The following DOCK9 variants were observed in gnomAD, a reference collection of about 807,000 sequenced individuals.
DOCK9 encodes dedicator of cytokinesis 9.
Under a neutral mutation model 263.3 loss-of-function variants are expected in DOCK9, and 89 were observed. That is an observed-to-expected ratio of 0.34 (90% CI 0.28 to 0.40). The LOEUF (loss-of-function observed/expected upper bound fraction) is 0.40. Among genes scored for constraint, DOCK9 ranks in the 10% least tolerant of loss-of-function variants. The pLI is 1.00. For synonymous variants in DOCK9, 976 were observed against 973.1 expected, an observed-to-expected ratio of 1.00 and a Z score of -0.06; for missense variants, 2,140 against 2,603.4, an observed-to-expected ratio of 0.82 and a Z score of 3.87.
At chr13:98,935,453 A>T (rs1381194521) in intron 2 of DOCK9, among the ~76,000 whole-genome samples, 2 of 152,182 alleles carry the variant, frequency 1.3e-5, no homozygotes, top group Admixed American at 6.5e-5. Flanking sequence ...GAATTCTGTC[A>T]GTGTCTCTAT....
At chr13:98,837,143 A>G (rs535375402) in intron 39 of DOCK9, among the ~76,000 whole-genome samples, 3 of 152,348 alleles carry the variant, frequency 2.0e-5, no homozygotes, top group African/African-American at 4.8e-5. Flanking sequence ...ATTAAACGCT[A>G]TAACATTTGG....
At chr13:98,844,221 G>A (rs1566686651) in intron 38 of DOCK9, among the ~76,000 whole-genome samples, 1 of 152,158 alleles carries the variant, frequency 6.6e-6, no homozygotes, top group African/African-American at 2.4e-5. Context: ...AGCCTTAAAG[G>A]TGTCACTCAA....
intron 2 of DOCK9, among the ~76,000 whole-genome samples, chr13:98,954,863 T>TAC (rs71719426): frequency 0.15 from 22,560 of 146,472 alleles, 1,961 homozygotes; most frequent in African/African-American, 0.25. Flanking sequence ...TTATTCAAGA[T>TAC]ACACACACAC....
At chr13:98,992,363 G>A (rs1880012700) in intron 1 of DOCK9, among the ~76,000 whole-genome samples, 1 of 152,098 alleles carries the variant, frequency 6.6e-6, no homozygotes, top group Admixed American at 6.5e-5. Context: ...AGGGCACTCC[G>A]ATCTCCCCCA....
At position 98,897,493 on chromosome 13, in the gene DOCK9, A is replaced by C. The variant is rs977729967; in HGVS notation, c.1704T>G (p.Phe568Leu). The stretch of plus-strand genomic sequence containing the variant: ...AATAAGACCTTGAAACTCACTTCCG[A>C]AAGTCTGCAAGTAACTTGAGCATGT... The part of the protein sequence containing the change: ...NDDMLKLLAD[F>L]RKPEKMAKLP... The change falls in exon 15 of 53, where the codon TTT becomes TTG. Residue 568 changes from phenylalanine to leucine, a missense_variant. Coordinates refer to ENST00000682017, the MANE Select transcript of DOCK9 (RefSeq NM_001366683.2). The C allele has an allele frequency of 6.2e-7, 1 of 1,613,654 alleles. No homozygotes were observed. Among genetic ancestry groups the C allele is most frequent in the African/African-American group, 1.3e-5 (1 of 75,044 alleles).
intron 2 of DOCK9, among the ~76,000 whole-genome samples, chr13:98,932,896 C>A (rs2054192509): frequency 6.6e-6 from 1 of 152,078 alleles, no homozygotes; most frequent in African/African-American, 2.4e-5. Flanking sequence ...GAAACAGTGA[C>A]CTTTATTACA....
chr13:98,940,902 A>G (rs918248652), intron 2 of DOCK9, among the ~76,000 whole-genome samples: 1 of 152,084 alleles, frequency 6.6e-6, no homozygotes, highest in African/African-American at 2.4e-5. Context: ...TAAATCTCTC[A>G]TCTGATAGCA....
chr13:99,000,030 T>C (rs747297767), intron 1 of DOCK9, among the ~76,000 whole-genome samples: 20 of 152,196 alleles, frequency 1.3e-4, no homozygotes, highest in Non-Finnish European at 2.5e-4. Context: ...TATACACTTT[T>C]GGGGAGTAGC....
At chr13:99,061,124 A>G (rs1302791552) in intron 1 of DOCK9, among the ~76,000 whole-genome samples, 2 of 152,212 alleles carry the variant, frequency 1.3e-5, no homozygotes, top group Non-Finnish European at 2.9e-5. Context: ...GACTGAAAGT[A>G]TACTCTACTG....
chr13:99,031,328 G>T (rs1887320948), intron 1 of DOCK9, among the ~76,000 whole-genome samples: 1 of 152,146 alleles, frequency 6.6e-6, no homozygotes, highest in African/African-American at 2.4e-5. Flanking sequence ...ACAGATGAAG[G>T]CTCAGAGAAA....
Position 99,044,093 on chromosome 13 carries a change from T to C in DOCK9, c.129+42130A>G, listed in dbSNP as rs551178214. ...CTGCTCTAAAGTTATCTGCTAACAA[T>C]AGCTCAGGGAGACTCAACCATGGTT... On this transcript the variant is annotated intron_variant, in intron 1 of 32. Coordinates refer to the DOCK9 transcript ENST00000427887. 3.3e-5 allele frequency among the ~76,000 whole-genome samples: 5 copies of C among 152,358 alleles called. No individual in the cohort carries two copies. In the East Asian group the frequency reaches 9.6e-4, roughly 29 times the overall value.
chr13:99,078,453 G>T (rs572883232), intron 1 of DOCK9, among the ~76,000 whole-genome samples: 1 of 152,184 alleles, frequency 6.6e-6, no homozygotes, highest in African/African-American at 2.4e-5. Flanking sequence ...GTGCTTAGTC[G>T]TATGGGGTGA....
intron 9 of DOCK9, among the ~76,000 whole-genome samples, chr13:98,908,395 G>A (rs2049448129): frequency 6.6e-6 from 1 of 151,968 alleles, no homozygotes; most frequent in Non-Finnish European, 1.5e-5. Flanking sequence ...ACTGAAATAA[G>A]AGCACAAGTA....
chr13:99,078,865 A>G (rs2042014865), intron 1 of DOCK9, among the ~76,000 whole-genome samples: 1 of 152,268 alleles, frequency 6.6e-6, no homozygotes, highest in Non-Finnish European at 1.5e-5. Context: ...TCAACTGTAG[A>G]AATCTGGGAA....
At chr13:98,856,860 C>T (rs1023243821) in intron 33 of DOCK9, 2 of 151,848 alleles carry the variant, frequency 1.3e-5, no homozygotes, top group South Asian at 2.1e-4. Flanking sequence ...AGGGATGCCA[C>T]GAAATAAAGT....
chr13:99,016,229 T>G (rs1885393448), intron 1 of DOCK9, among the ~76,000 whole-genome samples: 1 of 151,432 alleles, frequency 6.6e-6, no homozygotes, highest in Admixed American at 6.6e-5. Context: ...ACGAGTGAAA[T>G]CTCTAAGATG....
chr13:98,901,747 T>C, intron 13 of DOCK9, 31 bp downstream of exon 13: 1 of 1,604,324 alleles, frequency 6.2e-7, no homozygotes, highest in Middle Eastern at 1.7e-4. Flanking sequence ...GATTGCTTTT[T>C]ACCACCCCAA....
At chr13:98,886,716 G>T in intron 18 of DOCK9, 92 bp from the exon 19 acceptor site, 2 of 1,218,796 alleles carry the variant, frequency 1.6e-6, no homozygotes, top group Non-Finnish European at 2.4e-6. Context: ...CATTCCTACG[G>T]CATAGACTTA....
intron 14 of DOCK9, 120 bp downstream of exon 14, chr13:98,898,059 T>A: frequency 1.4e-6 from 1 of 710,528 alleles, no homozygotes. Context: ...TGGGCTTATG[T>A]ATTTCTCAGT....
Sources: gnomAD v4.1 joint callset for allele counts (sites outside exome capture counted in the v4.1 genomes callset) on GRCh38, gnomAD v4.1.1 for gene constraint, MANE v1.5 for transcripts, NCBI Gene and HGNC (gene_info 2026-07-23, HGNC 2026-07-21) for gene names.